The following ZNF804B variants were observed in gnomAD, a reference collection of about 807,000 sequenced individuals.
The protein encoded by ZNF804B is zinc finger 804B.
A neutral mutation model predicts 101.4 loss-of-function variants in ZNF804B; 80 were observed. That is an observed-to-expected ratio of 0.79 (90% CI 0.66 to 0.95). ZNF804B has a LOEUF of 0.95. Ranked by LOEUF, ZNF804B falls within the 40% of genes least tolerant of loss-of-function variation. ZNF804B has a pLI of 0.00. For synonymous variants in ZNF804B, 622 were observed against 558.8 expected (o/e 1.11, Z -1.59); for missense variants, 1,673 against 1,561.9 (o/e 1.07, Z -1.20).
chr7:88,778,208 A>G (rs1790174019), intron 1 of ZNF804B, among the ~76,000 whole-genome samples: 1 of 152,100 alleles, frequency 6.6e-6, no homozygotes, highest in African/African-American at 2.4e-5. Context: ...CTACATTCTT[A>G]GGCTCATTGC....
intron 2 of ZNF804B, among the ~76,000 whole-genome samples, chr7:89,266,907 G>A (rs1052355317): frequency 1.2e-4 from 16 of 137,344 alleles, no homozygotes; most frequent in African/African-American, 4.2e-4. Flanking sequence ...GGGAGTGTTG[G>A]CAATGGAAAG....
At chr7:89,274,929 T>A (rs1466125730) in intron 2 of ZNF804B, among the ~76,000 whole-genome samples, 2 of 151,880 alleles carry the variant, frequency 1.3e-5, no homozygotes, top group Non-Finnish European at 2.9e-5. Context: ...CTCTCACTTC[T>A]ATCCTTATTT....
intron 1 of ZNF804B, among the ~76,000 whole-genome samples, chr7:88,963,635 C>G (rs1440161333): frequency 6.6e-6 from 1 of 151,212 alleles, no homozygotes; most frequent in Non-Finnish European, 1.5e-5. Context: ...TTTGCTATGA[C>G]TCCAAAGATA....
rs1200521047 is a variant in ZNF804B at position 89,337,900 on chromosome 7, C to T, written c.*868C>T. Reference sequence around the variant, plus strand: ...TACTCAAAAATTTTACTACGTTCAGCCAATACATGTATAAGGATAGAGGTA... The same window carrying T: ...TACTCAAAAATTTTACTACGTTCAGTCAATACATGTATAAGGATAGAGGTA... On this transcript the variant is annotated 3_prime_UTR_variant, in exon 4 of 4. Transcript: ENST00000333190. 6.6e-6 allele frequency among the ~76,000 whole-genome samples: 1 copy of T among 151,848 alleles called. No homozygotes were observed. Among genetic ancestry groups the T allele is most frequent in the Non-Finnish European group, 1.5e-5 (1 of 67,906 alleles).
intron 1 of ZNF804B, among the ~76,000 whole-genome samples, chr7:88,902,148 T>C (rs1326485973): frequency 6.6e-6 from 1 of 152,142 alleles, no homozygotes; most frequent in East Asian, 1.9e-4. Flanking sequence ...AAAGACTTTC[T>C]TGACTAAGCC....
chr7:88,906,599 G>A (rs951915873), intron 1 of ZNF804B, among the ~76,000 whole-genome samples: 4 of 151,984 alleles, frequency 2.6e-5, no homozygotes, highest in African/African-American at 4.8e-5. Context: ...TCTGAGGGTA[G>A]GCTTGGTATG....
chr7:89,149,989 A>G (rs1448123089), intron 1 of ZNF804B, among the ~76,000 whole-genome samples: 1 of 152,020 alleles, frequency 6.6e-6, no homozygotes, highest in Non-Finnish European at 1.5e-5. Flanking sequence ...TACCCCCACT[A>G]TCCATGGTTT....
rs529917681 is a variant in ZNF804B at position 89,030,488 on chromosome 7, G to A, written c.109-187667G>A. Among the ~76,000 whole-genome samples the A allele has an allele frequency of 4.6e-5, 7 of 152,114 alleles. No individual in the cohort carries two copies. The East Asian group carries it at 1.4e-3, about 29-fold the overall frequency. Reference sequence around the variant, plus strand: ...GACAAAAAAAACAAGATGAAAACATGTAGATTTATCAAGACTTCTGTTAGC... The same window carrying A: ...GACAAAAAAAACAAGATGAAAACATATAGATTTATCAAGACTTCTGTTAGC... On this transcript the variant is annotated intron_variant, in intron 1 of 3. Transcript: ENST00000333190.
chr7:89,096,086 C>T (rs1043951206), intron 1 of ZNF804B, among the ~76,000 whole-genome samples: 7 of 149,634 alleles, frequency 4.7e-5, no homozygotes, highest in African/African-American at 2.5e-5. Context: ...ACCCAGGAGG[C>T]GGAGCTTGCA....
At chr7:89,176,018 G>A (rs912296662) in intron 1 of ZNF804B, among the ~76,000 whole-genome samples, 10 of 151,904 alleles carry the variant, frequency 6.6e-5, no homozygotes, top group Admixed American at 1.3e-4. Flanking sequence ...AGGATAATTT[G>A]ACTTCCTATC....
intron 1 of ZNF804B, among the ~76,000 whole-genome samples, chr7:89,156,218 A>G (rs1486359432): frequency 3.3e-5 from 5 of 151,768 alleles, no homozygotes; most frequent in Non-Finnish European, 5.9e-5. Context: ...GGTTCAAGCA[A>G]TTCTCCTGCC....
intron 1 of ZNF804B, among the ~76,000 whole-genome samples, chr7:88,889,473 A>G (rs1409275051): frequency 2.6e-5 from 4 of 152,170 alleles, no homozygotes; most frequent in Non-Finnish European, 4.4e-5. Flanking sequence ...AATAATTGCC[A>G]TTCTGACTAG....
At chr7:88,853,024 AAAG>A (rs1791469081) in intron 1 of ZNF804B, among the ~76,000 whole-genome samples, 3 of 152,076 alleles carry the variant, frequency 2.0e-5, no homozygotes, top group Non-Finnish European at 4.4e-5. Context: ...CTTGGAGTGA[AAAG>A]AAGCTATACC....
At chr7:89,323,451 A>T (rs1183458100) in intron 2 of ZNF804B, among the ~76,000 whole-genome samples, 3 of 152,194 alleles carry the variant, frequency 2.0e-5, no homozygotes, top group Admixed American at 6.6e-5. Flanking sequence ...TATCCTATGA[A>T]TGTGAAGTTT....
At chr7:88,974,835 T>C (rs933100939) in intron 1 of ZNF804B, among the ~76,000 whole-genome samples, 2 of 151,458 alleles carry the variant, frequency 1.3e-5, no homozygotes, top group South Asian at 2.1e-4. Flanking sequence ...TAATAAATTA[T>C]TGTTGACGGC....
intron 2 of ZNF804B, among the ~76,000 whole-genome samples, chr7:89,218,590 G>C (rs1373782973): frequency 6.6e-6 from 1 of 152,052 alleles, no homozygotes; most frequent in Non-Finnish European, 1.5e-5. Context: ...AGGAATGTCA[G>C]TCAAAAATCC....
At chr7:89,250,310 C>T (rs1285075349) in intron 2 of ZNF804B, among the ~76,000 whole-genome samples, 1 of 152,004 alleles carries the variant, frequency 6.6e-6, no homozygotes, top group East Asian at 1.9e-4. Flanking sequence ...TGAACACTCC[C>T]ATACACACAA....
intron 1 of ZNF804B, among the ~76,000 whole-genome samples, chr7:89,109,325 G>T (rs942817580): frequency 3.9e-5 from 6 of 152,124 alleles, no homozygotes; most frequent in Admixed American, 2.0e-4. Flanking sequence ...TTCTCTTGAA[G>T]AGTTATGAGA....
intron 1 of ZNF804B, among the ~76,000 whole-genome samples, chr7:89,093,352 C>T (rs1416936011): frequency 6.6e-6 from 1 of 152,194 alleles, no homozygotes; most frequent in Non-Finnish European, 1.5e-5. Context: ...TTTCCCTTTT[C>T]CTCTACCCTT....
Sources: gnomAD v4.1 joint callset for allele counts (sites outside exome capture counted in the v4.1 genomes callset) on GRCh38, gnomAD v4.1.1 for gene constraint, MANE v1.5 for transcripts, NCBI Gene and HGNC (gene_info 2026-07-23, HGNC 2026-07-21) for gene names.